PRPF18: variants seen among roughly 807,000 people sequenced by gnomAD.
PRPF18 encodes the protein pre-mRNA-splicing factor 18.
PRPF18 carries 38 observed loss-of-function variants against 46.5 expected under a neutral mutation model. The ratio of observed to expected loss-of-function variants is 0.82; its 90% CI spans 0.63 to 1.07. The LOEUF (loss-of-function observed/expected upper bound fraction) is 1.07, where lower values mean the gene tolerates loss of function less well. PRPF18 is among the 50% of genes least tolerant of loss of function. The probability of loss-of-function intolerance (pLI) is 0.00; values close to 1 mark genes in which losing one functional copy is unlikely to be tolerated. For missense variants in PRPF18, 263 were observed against 410.0 expected (o/e 0.64, Z 3.10); for synonymous variants, 152 against 146.7 (o/e 1.04, Z -0.26).
the PRPF18 span, chr10:13,646,042 T>A: frequency 0.034 from 5,226 of 152,424 alleles, 237 homozygotes; most frequent in African/African-American, 0.099. Flanking sequence ...GGGCTAACAG[T>A]ACCCTCTACG....
At chr10:13,646,122 C>G in the PRPF18 span, 1 of 152,606 alleles carries the variant, frequency 6.6e-6, no homozygotes, top group Non-Finnish European at 1.5e-5. Flanking sequence ...CCAAGACTTC[C>G]TCGCCTTTAC....
At chr10:13,622,245 A>T (rs2080430910) in intron 9 of PRPF18, among the ~76,000 whole-genome samples, 4 of 152,254 alleles carry the variant, frequency 2.6e-5, no homozygotes, top group Admixed American at 2.6e-4. Context: ...ACATTTTTAG[A>T]GAAAAATACT....
intron 1 of PRPF18, among the ~76,000 whole-genome samples, chr10:13,595,372 C>G (rs1314589814): frequency 6.8e-6 from 1 of 146,358 alleles, no homozygotes; most frequent in Non-Finnish European, 1.5e-5. Flanking sequence ...ACCATGGCCT[C>G]CGGCCTGGAG....
At chr10:13,635,143 G>A (rs1398608232), downstream of PRPF18, among the ~76,000 whole-genome samples, 4 of 152,206 alleles carry the variant, frequency 2.6e-5, no homozygotes, top group African/African-American at 9.6e-5. Context: ...TGAGAACGTG[G>A]TATTTGCTTT....
At position 13,602,486 on chromosome 10, in the gene PRPF18, G is replaced by A. The variant is rs190304742; in HGVS notation, c.249+2138G>A. 7.1e-4 allele frequency among the ~76,000 whole-genome samples: 107 copies of A among 150,944 alleles called. 1 individual carries two copies. The highest frequency in any genetic ancestry group is 3.1e-4 in the Non-Finnish European group (21 of 67,756). On this transcript the variant is annotated intron_variant, in intron 3 of 9. Coordinates refer to ENST00000378572, the MANE Select transcript of PRPF18 (RefSeq NM_003675.4). ...ATGCAGAAGTTTTACATTTTTATACGATGACATCAGTCTTTTTCATTATGT... is the reference window on the plus strand; with the variant it reads ...ATGCAGAAGTTTTACATTTTTATACAATGACATCAGTCTTTTTCATTATGT...
chr10:13,622,855 A>G (rs1352819598), intron 9 of PRPF18, among the ~76,000 whole-genome samples: 1 of 152,190 alleles, frequency 6.6e-6, no homozygotes, highest in Non-Finnish European at 1.5e-5. Flanking sequence ...TTAAAAGTCT[A>G]GAATGGGTTG....
chr10:13,638,648 T>A, the PRPF18 span: 1 of 152,218 alleles, frequency 6.6e-6, no homozygotes, highest in Non-Finnish European at 1.5e-5. Context: ...GCAGGTGGAC[T>A]GGAGCGTAGA....
At position 13,621,811 on chromosome 10, in the gene PRPF18, T is replaced by C. The variant is rs187976359; in HGVS notation, c.948+5258T>C. Among the ~76,000 whole-genome samples, 33 of 152,350 alleles carry C rather than the reference T, an allele frequency of 2.2e-4. No homozygotes were observed. In the East Asian group the frequency reaches 4.8e-3, roughly 22 times the overall value. ...AATATTATTCTCTGGCAAGTTGTTT[T>C]CAGTAAGCTTAAGTTTATAAGTTTC... On this transcript the variant is annotated intron_variant, in intron 9 of 9. Coordinates refer to ENST00000378572, the MANE Select transcript of PRPF18 (RefSeq NM_003675.4).
rs199971142 is a variant in PRPF18, at chr10:13,606,295, A to T, written c.363+551A>T. On this transcript the variant is annotated intron_variant, in intron 4 of 9. Transcript: ENST00000378572. ...TTGTATTTCATACAGATGGACTCAT[A>T]GATTGTGTGTCTGGCTTCTTTCGCT... Among the ~76,000 whole-genome samples the T allele has an allele frequency of 2.6e-5, 4 of 152,228 alleles. No homozygotes were observed. In the East Asian group the frequency reaches 7.7e-4, roughly 29 times the overall value.
chr10:13,601,786 A>G (rs2133387612), intron 3 of PRPF18, among the ~76,000 whole-genome samples: 1 of 152,328 alleles, frequency 6.6e-6, no homozygotes, highest in South Asian at 2.1e-4. Flanking sequence ...TCATGATAAA[A>G]TAAGGTAATG....
At chr10:13,598,754 T>C (rs2080067661) in intron 2 of PRPF18, among the ~76,000 whole-genome samples, 2 of 152,200 alleles carry the variant, frequency 1.3e-5, no homozygotes, top group African/African-American at 4.8e-5. Context: ...ATTTTTGCCT[T>C]GCCCAGTGTT....
chr10:13,624,085 A>G (rs2080461971), intron 9 of PRPF18, among the ~76,000 whole-genome samples: 1 of 152,138 alleles, frequency 6.6e-6, no homozygotes. Context: ...CCCAGGTTCA[A>G]ACACTTGTCA....
the PRPF18 span, chr10:13,642,209 C>G: frequency 6.6e-6 from 1 of 152,222 alleles, no homozygotes; most frequent in Admixed American, 6.5e-5. Flanking sequence ...TAATTTTAAT[C>G]TCTTCCTCCT....
chr10:13,612,600 C>G (rs1246197514), intron 6 of PRPF18, among the ~76,000 whole-genome samples: 1 of 150,526 alleles, frequency 6.6e-6, no homozygotes, highest in South Asian at 2.1e-4. Context: ...TCTAGACAAC[C>G]CAAGGAAGAA....
intron 3 of PRPF18, among the ~76,000 whole-genome samples, chr10:13,601,691 T>C (rs530187293): frequency 6.6e-6 from 1 of 152,168 alleles, no homozygotes; most frequent in Non-Finnish European, 1.5e-5. Context: ...ACAGTAAACA[T>C]GTGCTTTGGG....
At chr10:13,648,164 ATACTGGTGGATTT>A in the PRPF18 span, 1 of 152,226 alleles carries the variant, frequency 6.6e-6, no homozygotes, top group Non-Finnish European at 1.5e-5. Flanking sequence ...ATCTGTGCAT[ATACTGGTGGATTT>A]TAATGAGAGT....
At position 13,610,694 on chromosome 10, in the gene PRPF18, A is replaced by T. The variant is rs7086386; in HGVS notation, c.510+509A>T. On this transcript the variant is annotated intron_variant, in intron 5 of 9. Coordinates refer to ENST00000378572, the MANE Select transcript of PRPF18 (RefSeq NM_003675.4). The stretch of plus-strand genomic sequence containing the variant: ...AGATTGTTCCCAGCTCTCTCCTACC[A>T]CAAACAGCTTCCTGATGAACAGTCT... Among the ~76,000 whole-genome samples the T allele has an allele frequency of 3.2e-3, 482 of 152,272 alleles. 2 individuals carry two copies. Among genetic ancestry groups the T allele is most frequent in the African/African-American group, 0.011 (466 of 41,558 alleles).
intron 3 of PRPF18, among the ~76,000 whole-genome samples, chr10:13,603,054 C>T (rs1668413447): frequency 6.6e-6 from 1 of 152,216 alleles, no homozygotes; most frequent in Non-Finnish European, 1.5e-5. Flanking sequence ...TATCTTTAAA[C>T]ATTGAAAAGC....
the PRPF18 span, chr10:13,638,221 A>G: frequency 6.6e-6 from 1 of 151,436 alleles, no homozygotes; most frequent in Non-Finnish European, 1.5e-5. Flanking sequence ...TGATGCGTAG[A>G]TGCTTGGTGG....
Sources: gnomAD v4.1 joint callset for allele counts (sites outside exome capture counted in the v4.1 genomes callset) on GRCh38, gnomAD v4.1.1 for gene constraint, MANE v1.5 for transcripts, NCBI Gene and HGNC (gene_info 2026-07-23, HGNC 2026-07-21) for gene names.